Variants in RPL23A observed in about 807,000 individuals in gnomAD.
The protein encoded by RPL23A is large ribosomal subunit protein uL23.
RPL23A carries 2 observed loss-of-function variants against 17.6 expected under a neutral mutation model. The observed-to-expected ratio is 0.11, with a 90% CI of 0.05 to 0.36. The LOEUF is 0.36. Among genes scored for constraint, RPL23A ranks in the 10% least tolerant of loss-of-function variants. The pLI, the probability that RPL23A is intolerant of heterozygous loss-of-function variation, is 1.00. For missense variants in RPL23A, 132 were observed against 194.4 expected, an observed-to-expected ratio of 0.68 and a Z score of 1.91; for synonymous variants, 65 against 74.3, an observed-to-expected ratio of 0.87 and a Z score of 0.65.
intron 2 of RPL23A, 124 bp from the exon 3 acceptor site, chr17:28,722,599 T>C (rs1252173717): frequency 3.5e-6 from 3 of 851,520 alleles, no homozygotes; most frequent in Non-Finnish European, 6.2e-6. Context: ...ATGATGACAC[T>C]GTAAAGCGAC....
At position 28,720,382 on chromosome 17, in the gene RPL23A, C is replaced by G. The variant is rs762964343; in HGVS notation, c.26-325C>G. 16 of 1,570,584 alleles carry G rather than the reference C, an allele frequency of 1.0e-5. No individual in the cohort carries two copies. The East Asian group carries it at 3.5e-4, about 34-fold the overall frequency. ...CATTTTCCTTCTGGTTCATGTTCAA[C>G]CGGGCTACATTACCCGCCCCTCTCT... On this transcript the variant is annotated intron_variant, in intron 1 of 4. Coordinates refer to ENST00000422514, the MANE Select transcript of RPL23A (RefSeq NM_000984.6).
In RPL23A at chr17:28,724,182, G is replaced by A. The variant is rs939807060; in HGVS notation, c.*301G>A. ...AAGAACCCCTTTTATCCCTGGAAGA[G>A]GCTGTGTATGAAACCAATGCCCAGG... On this transcript the variant is annotated 3_prime_UTR_variant, in exon 5 of 5. Transcript: ENST00000422514. The A allele has an allele frequency of 6.0e-6, 3 of 498,352 alleles. No homozygotes were observed. Among genetic ancestry groups the A allele is most frequent in the Non-Finnish European group, 1.1e-5 (3 of 284,802 alleles). The allele number at this position is 498,352 out of a possible 1,614,324, so 30.9% of individuals were successfully genotyped here. A position where few individuals can be genotyped will look rare whatever the true frequency, so the allele number is the denominator to read the frequency against.
Position 28,720,824 on chromosome 17 carries a change from G to A in RPL23A, c.143G>A (p.Arg48Gln). 2.5e-6 allele frequency: 4 copies of A among 1,613,996 alleles called. No individual in the cohort carries two copies. The Middle Eastern group carries it at 6.6e-4, about 266-fold the overall frequency. ...KKIRTSPTFR[R>Q]PKTLRLRRQP... ...ATCCGCACGTCACCCACCTTCCGGC[G>A]GCCGAAGACACTGCGACTCCGGAGA... The change falls in exon 2 of 5, where the codon CGG becomes CAG. Residue 48 changes from arginine (R) to glutamine (Q), a missense_variant. Arg to Gln is a conservative substitution (Grantham distance 43). Coordinates refer to ENST00000422514, the MANE Select transcript of RPL23A (RefSeq NM_000984.6).
intron 1 of RPL23A, chr17:28,720,445 C>T (rs577985705): frequency 6.2e-7 from 1 of 1,611,682 alleles, no homozygotes; most frequent in East Asian, 2.2e-5. Context: ...GTGTAAAATT[C>T]GTAGGACATT....
intron 4 of RPL23A, 91 bp from the exon 5 acceptor site, chr17:28,723,773 ATCC>A (rs745419018): frequency 4.5e-5 from 63 of 1,386,034 alleles, no homozygotes; most frequent in Non-Finnish European, 6.1e-5. Flanking sequence ...GACAAACCTT[ATCC>A]TCACATTCCT....
At chr17:28,722,524 A>G (rs2034133879) in intron 2 of RPL23A, 199 bp from the exon 3 acceptor site, 7 of 738,248 alleles carry the variant, frequency 9.5e-6, no homozygotes, top group Admixed American at 3.5e-5. Context: ...CCTTCAAGAG[A>G]AAGAAAATGC....
rs755024386 is a variant in RPL23A at position 28,720,725 on chromosome 17, C to G, written c.44C>G (p.Ala15Gly). ...CTCCCAGCTCCTGCCCCTCCTAAAG[C>G]TGAAGCCAAAGCGAAGGCTTTAAAG... ...AKKEAPAPPKAEAKAKALKAK... is the reference protein window; with the variant it reads ...AKKEAPAPPKGEAKAKALKAK... The change falls in exon 2 of 5, where the codon GCT becomes GGT. Residue 15 changes from alanine to glycine, a missense_variant. Physicochemically the swap from Ala to Gly is moderately conservative, Grantham distance 60. Around this residue, in one of 2 missense-constraint regions of RPL23A, gnomAD observed 63 missense variants for 48.9 expected, o/e 1.29. Coordinates refer to ENST00000422514, the MANE Select transcript of RPL23A (RefSeq NM_000984.6). 23 of 1,614,028 alleles carry G rather than the reference C, an allele frequency of 1.4e-5. No homozygotes were observed. The highest frequency in any genetic ancestry group is 1.9e-5 in the Non-Finnish European group (23 of 1,179,952).
At chr17:28,720,409 C>A (rs539402452) in intron 1 of RPL23A, 34 of 1,596,552 alleles carry the variant, frequency 2.1e-5, no homozygotes, top group Non-Finnish European at 2.8e-5. Flanking sequence ...CCCCTCTCTC[C>A]GCAGCGTGGT....
chr17:28,720,257 C>G, intron 1 of RPL23A: 1 of 1,542,832 alleles, frequency 6.5e-7, no homozygotes, highest in Non-Finnish European at 8.8e-7. Flanking sequence ...CATCATCCGC[C>G]AGGGAGGGCC....
rs375777992 is a variant in RPL23A, at chr17:28,723,975, CCA to C, written c.*106_*107del. On this transcript the variant is annotated 3_prime_UTR_variant, in exon 5 of 5. Transcript: ENST00000422514. The stretch of plus-strand genomic sequence containing the variant: ...GTCAATTTCTGGTTGGGCTGGGAGG[CCA>C]CACACACACACTGACATGACAGGGC... The C allele has an allele frequency of 2.6e-3, 2,087 of 800,098 alleles. No individual in the cohort carries two copies. Among genetic ancestry groups the C allele is most frequent in the South Asian group, 3.6e-3 (202 of 56,446 alleles). The allele number at this position is 800,098 out of a possible 1,614,324, so 49.6% of individuals were successfully genotyped here. A position where few individuals can be genotyped will look rare whatever the true frequency, so the allele number is the denominator to read the frequency against.
intron 3 of RPL23A, chr17:28,723,334 G>A: frequency 1.4e-6 from 1 of 718,614 alleles, no homozygotes; most frequent in African/African-American, 1.7e-5. Flanking sequence ...GGCAACTAGA[G>A]TGCGACACGT....
At chr17:28,722,454 G>C in intron 2 of RPL23A, 1 of 563,874 alleles carries the variant, frequency 1.8e-6, no homozygotes, top group Non-Finnish European at 3.5e-6. Context: ...TGGGAATACA[G>C]CCATGAGCCA....
In RPL23A at chr17:28,721,045, A is replaced by ACAAAACTGGCAGGATCAG. The variant is rs2034105358; in HGVS notation, c.209+157_209+174dup. 4 of 715,488 alleles carry ACAAAACTGGCAGGATCAG rather than the reference A, an allele frequency of 5.6e-6. No homozygotes were observed. The South Asian group carries it at 7.4e-5, about 13-fold the overall frequency. The allele number at this position is 715,488 out of a possible 1,614,324, so 44.3% of individuals were successfully genotyped here. A position where few individuals can be genotyped will look rare whatever the true frequency, so the allele number is the denominator to read the frequency against. ...TGAGGAGATTGTTTCTGCTGCATTT[A>ACAAAACTGGCAGGATCAG]CAAAACTGGCAGGATCAGCCCAGAG... On this transcript the variant is annotated intron_variant, in intron 2 of 4. Coordinates refer to ENST00000422514, the MANE Select transcript of RPL23A (RefSeq NM_000984.6).
intron 1 of RPL23A, 86 bp downstream of exon 1, chr17:28,720,116 T>TAAGCCCTGAGGGCTCTGCTCCGGG (rs2034075485): frequency 6.5e-7 from 1 of 1,537,610 alleles, no homozygotes; most frequent in South Asian, 1.2e-5. Flanking sequence ...GCTGCTGGGC[T>TAAGCCCTGAGGGCTCTGCTCCGGG]AAGCCCTGAG....
intron 2 of RPL23A, among the ~76,000 whole-genome samples, chr17:28,722,141 T>A (rs1366091326): frequency 6.7e-6 from 1 of 149,442 alleles, no homozygotes; most frequent in Non-Finnish European, 1.5e-5. Context: ...CACTACTGAG[T>A]CCCAGGCTGA....
chr17:28,723,728 A>C, intron 4 of RPL23A, 88 bp downstream of exon 4: 1 of 1,374,802 alleles, frequency 7.3e-7, no homozygotes, highest in Non-Finnish European at 1.0e-6. Context: ...ATCTTTGCTG[A>C]TTAGTCATAA....
intron 2 of RPL23A, 79 bp downstream of exon 2, chr17:28,720,969 A>AAT: frequency 7.8e-7 from 1 of 1,279,910 alleles, no homozygotes; most frequent in Non-Finnish European, 1.1e-6. Context: ...ACTCTGCGTG[A>AAT]TGGTTTCTCA....
chr17:28,723,934 A>T lies in RPL23A; in HGVS notation c.*53A>T, dbSNP rs1457300415. On this transcript the variant is annotated 3_prime_UTR_variant, in exon 5 of 5. Transcript: ENST00000422514. The stretch of plus-strand genomic sequence containing the variant: ...ATATATATATATATATCTTTTCACC[A>T]TATACATGCCTGTCTGTCAATTTCT... 3 of 1,277,788 alleles carry T rather than the reference A, an allele frequency of 2.3e-6. No homozygotes were observed. The Admixed American group carries it at 6.4e-5, about 27-fold the overall frequency. 79.2% of individuals were successfully genotyped at this position (1,277,788 alleles called of 1,614,324 possible). A position where few individuals can be genotyped will look rare whatever the true frequency, so the allele number is the denominator to read the frequency against.
Position 28,724,184 on chromosome 17 carries a change from C to T in RPL23A, c.*303C>T. 1 of 499,130 alleles carries T rather than the reference C, an allele frequency of 2.0e-6. No homozygotes were observed. Among genetic ancestry groups the T allele is most frequent in the Non-Finnish European group, 3.5e-6 (1 of 285,118 alleles). The allele number at this position is 499,130 out of a possible 1,614,324, so 30.9% of individuals were successfully genotyped here. A position where few individuals can be genotyped will look rare whatever the true frequency, so the allele number is the denominator to read the frequency against. Reference sequence around the variant, plus strand: ...GAACCCCTTTTATCCCTGGAAGAGGCTGTGTATGAAACCAATGCCCAGGGT... The same window carrying T: ...GAACCCCTTTTATCCCTGGAAGAGGTTGTGTATGAAACCAATGCCCAGGGT... On this transcript the variant is annotated 3_prime_UTR_variant, in exon 5 of 5. Coordinates refer to ENST00000422514, the MANE Select transcript of RPL23A (RefSeq NM_000984.6).
Sources: allele counts gnomAD v4.1 joint callset (sites outside exome capture counted in the v4.1 genomes callset), GRCh38; gene constraint gnomAD v4.1.1; regional missense constraint gnomAD v4.1.1; transcripts MANE v1.5; gene names NCBI Gene and HGNC (gene_info 2026-07-23, HGNC 2026-07-21).